AKAP12: variants seen among roughly 807,000 people sequenced by gnomAD.
The protein encoded by AKAP12 is A-kinase anchoring protein 12.
Under a neutral mutation model 79.9 loss-of-function variants are expected in AKAP12, and 32 were observed. The observed-to-expected ratio is 0.40, with a 90% CI of 0.30 to 0.54. The LOEUF is 0.54. Among genes scored for constraint, AKAP12 ranks in the 20% least tolerant of loss-of-function variants. AKAP12 has a pLI of 0.48. For missense variants in AKAP12, 2,074 were observed against 2,177.0 expected, an observed-to-expected ratio of 0.95 and a Z score of 0.94; for synonymous variants, 808 against 857.0, an observed-to-expected ratio of 0.94 and a Z score of 1.00.
At chr6:151,267,014 CAAAAAA>C (rs34974747) in intron 2 of AKAP12, among the ~76,000 whole-genome samples, 4,808 of 34,724 alleles carry the variant, frequency 0.14, 99 homozygotes, top group East Asian at 0.32. Context: ...GACTCCATCT[CAAAAAA>C]AAAAAAAAAA....
intron 2 of AKAP12, among the ~76,000 whole-genome samples, chr6:151,292,076 A>G (rs1776634968): frequency 6.6e-6 from 1 of 152,236 alleles, no homozygotes; most frequent in African/African-American, 2.4e-5. Flanking sequence ...CAAACACAGG[A>G]CAGTTGTTTG....
At chr6:151,297,113 A>T (rs979684620) in intron 2 of AKAP12, among the ~76,000 whole-genome samples, 1 of 149,502 alleles carries the variant, frequency 6.7e-6, no homozygotes, top group Admixed American at 6.7e-5. Context: ...ACTTGTATGA[A>T]ATAAATCATC....
At chr6:151,282,483 A>G (rs896724988) in intron 2 of AKAP12, among the ~76,000 whole-genome samples, 4 of 152,022 alleles carry the variant, frequency 2.6e-5, no homozygotes, top group Admixed American at 2.6e-4. Context: ...CTTCACCAAA[A>G]CAAATGTGCT....
chr6:151,257,029 A>C (rs1797315866), intron 2 of AKAP12, among the ~76,000 whole-genome samples: 1 of 151,814 alleles, frequency 6.6e-6, no homozygotes, highest in Non-Finnish European at 1.5e-5. Context: ...GAAAGATATG[A>C]AATATGCCAC....
intron 2 of AKAP12, among the ~76,000 whole-genome samples, chr6:151,293,834 G>C (rs1555106): frequency 0.39 from 59,383 of 152,084 alleles, 12,585 homozygotes; most frequent in East Asian, 0.62. Context: ...CCCAGTGCAA[G>C]CATGGCTCAC....
At chr6:151,339,511 G>A (rs1349710061) in intron 3 of AKAP12, among the ~76,000 whole-genome samples, 1 of 151,652 alleles carries the variant, frequency 6.6e-6, no homozygotes, top group Non-Finnish European at 1.5e-5. Flanking sequence ...CGTCTGCATA[G>A]CCTCCCCCAA....
chr6:151,325,399 A>G (rs1777497408), intron 3 of AKAP12: 3 of 985,300 alleles, frequency 3.0e-6, no homozygotes, highest in Admixed American at 6.1e-5. Flanking sequence ...TTTAGATCCA[A>G]TGCGCCGGCT....
At chr6:151,297,834 GGACCATTTATAAAAGGT>G (rs1354716800) in intron 2 of AKAP12, among the ~76,000 whole-genome samples, 1 of 152,048 alleles carries the variant, frequency 6.6e-6, no homozygotes, top group South Asian at 2.1e-4. Flanking sequence ...AGAAACATGA[GGACCATTTATAAAAGGT>G]GACCGTAGTG....
At chr6:151,326,399 T>G (rs1777526913) in intron 3 of AKAP12, among the ~76,000 whole-genome samples, 1 of 151,954 alleles carries the variant, frequency 6.6e-6, no homozygotes, top group African/African-American at 2.4e-5. Flanking sequence ...GGACTAACAT[T>G]TAAGCTCTGC....
Position 151,348,897 on chromosome 6 carries a change from A to G in AKAP12, c.506A>G (p.Asp169Gly). ...CAACCCACTGAGTCCCAGGCTAATG[A>G]TATTGGATTTAAGAAGGTGTTTAAG... ...LTQPTESQAN[D>G]IGFKKVFKFV... Residue 169 changes from aspartate (D) to glycine (G), a missense_variant, in exon 4 of 5, where the codon GAT becomes GGT. By Grantham distance (94) the Asp-to-Gly change is moderately conservative. This residue lies in a region of AKAP12 where 1,428 missense variants were observed against 1,451.0 expected (regional missense o/e 0.98). Transcript: ENST00000402676. 1 of 1,614,122 alleles carries G rather than the reference A, an allele frequency of 6.2e-7. No individual in the cohort carries two copies. Among genetic ancestry groups the G allele is most frequent in the Non-Finnish European group, 8.5e-7 (1 of 1,180,022 alleles).
At chr6:151,324,049 A>C (rs1190983315) in intron 3 of AKAP12, 2 of 985,308 alleles carry the variant, frequency 2.0e-6, no homozygotes, top group East Asian at 2.3e-4. Context: ...AGGAATGGCC[A>C]AGTTGCCCTG....
chr6:151,349,660 C>CCCA lies in AKAP12; in HGVS notation c.1269_1270insCCA (p.Thr423_Val424insPro), dbSNP rs2114824161. On this transcript the variant is annotated inframe_insertion, in exon 4 of 5. Coordinates refer to ENST00000402676, the MANE Select transcript of AKAP12 (RefSeq NM_005100.4). Reference sequence around the variant, plus strand: ...TTGTGGCCGAAGTCCACGTCAGCACCGTGGAGGAGAGAACCGAAGAGCAGA... The same window carrying CCCA: ...TTGTGGCCGAAGTCCACGTCAGCACCCCAGTGGAGGAGAGAACCGAAGAGCAGA... The CCCA allele has an allele frequency of 6.2e-7, 1 of 1,613,784 alleles. No individual in the cohort carries two copies. Among genetic ancestry groups the CCCA allele is most frequent in the Admixed American group, 1.7e-5 (1 of 59,988 alleles).
At chr6:151,329,780 T>G (rs541005417) in intron 3 of AKAP12, among the ~76,000 whole-genome samples, 1 of 152,334 alleles carries the variant, frequency 6.6e-6, no homozygotes, top group South Asian at 2.1e-4. Flanking sequence ...TTCAGCACTT[T>G]GTGGACATTA....
Position 151,292,797 on chromosome 6 carries a change from C to T in AKAP12, c.163-12950C>T, listed in dbSNP as rs186186641. Among the ~76,000 whole-genome samples, 209 of 152,338 alleles carry T rather than the reference C, an allele frequency of 1.4e-3. 1 individual carries two copies. Among genetic ancestry groups the T allele is most frequent in the Non-Finnish European group, 2.3e-3 (157 of 68,028 alleles). On this transcript the variant is annotated intron_variant, in intron 2 of 4. Transcript: ENST00000402676. The stretch of plus-strand genomic sequence containing the variant: ...CTGCCTAGGGCTGCCTAACACAAAC[C>T]AAACAAACATCCCTTCTCAGGATGG...
At position 151,352,693 on chromosome 6, in the gene AKAP12, T is replaced by C. The variant is rs769108320; in HGVS notation, c.4302T>C (p.Thr1434=). ...AGGAGGAAAAGGTCTTAGGAGAAACTGCCAACATTTTAGAAACAGGTGAAA... is the reference window on the plus strand; with the variant it reads ...AGGAGGAAAAGGTCTTAGGAGAAACCGCCAACATTTTAGAAACAGGTGAAA... ...AAEEEKVLGE[T]ANILETGETL... Residue 1434 remains threonine (T), a synonymous_variant, in exon 4 of 5, where the codon ACT becomes ACC. Coordinates refer to ENST00000402676, the MANE Select transcript of AKAP12 (RefSeq NM_005100.4). 6.2e-7 allele frequency: 1 copy of C among 1,614,188 alleles called. No individual in the cohort carries two copies. The highest frequency in any genetic ancestry group is 1.7e-5 in the Admixed American group (1 of 60,030).
intron 2 of AKAP12, among the ~76,000 whole-genome samples, chr6:151,258,062 T>G (rs1041949127): frequency 6.6e-6 from 1 of 152,240 alleles, no homozygotes; most frequent in Non-Finnish European, 1.5e-5. Context: ...AAGCCACTTA[T>G]GCCTACAAAC....
chr6:151,322,758 G>C (rs1378719918), intron 3 of AKAP12, among the ~76,000 whole-genome samples: 1 of 151,380 alleles, frequency 6.6e-6, no homozygotes, highest in African/African-American at 2.5e-5. Context: ...CCTGCCACTG[G>C]GTGTGTGCAC....
chr6:151,350,090 G>A lies in AKAP12; in HGVS notation c.1699G>A (p.Ala567Thr). Reference protein sequence around the residue: ...SQEEQKGESSASSPEEPEEIT... With the variant: ...SQEEQKGESSTSSPEEPEEIT... ...GGAGGAGCAAAAGGGCGAGAGCTCT[G>A]CCTCATCCCCTGAGGAGCCCGAGGA... Residue 567 changes from alanine (A) to threonine (T), a missense_variant, in exon 4 of 5, where the codon GCC becomes ACC. Coordinates refer to ENST00000402676, the MANE Select transcript of AKAP12 (RefSeq NM_005100.4). The surrounding 1 kb of genome is among the most constrained non-coding windows in gnomAD (Gnocchi z 4.8). The A allele has an allele frequency of 6.2e-7, 1 of 1,614,118 alleles. No homozygotes were observed. Among genetic ancestry groups the A allele is most frequent in the Non-Finnish European group, 8.5e-7 (1 of 1,180,014 alleles).
At chr6:151,283,668 C>T (rs777874633) in intron 2 of AKAP12, among the ~76,000 whole-genome samples, 2 of 152,170 alleles carry the variant, frequency 1.3e-5, no homozygotes, top group East Asian at 3.9e-4. Flanking sequence ...CTTCTCAAGG[C>T]GAGGCATTCT....
Sources: allele counts gnomAD v4.1 joint callset (sites outside exome capture counted in the v4.1 genomes callset), GRCh38; gene constraint gnomAD v4.1.1; regional missense constraint gnomAD v4.1.1; non-coding constraint Gnocchi (gnomAD v3.1); transcripts MANE v1.5; gene names NCBI Gene and HGNC (gene_info 2026-07-23, HGNC 2026-07-21).